Variants in HMCN2 observed in about 807,000 individuals in gnomAD.
The protein encoded by HMCN2 is hemicentin 2, also known as hemicentin-2.
In HMCN2, 325 loss-of-function variants were observed where a neutral mutation model predicts 377.5. The ratio of observed to expected loss-of-function variants is 0.86; its 90% CI spans 0.79 to 0.94. HMCN2 has a LOEUF of 0.94. Ranked by LOEUF, HMCN2 falls within the 40% of genes least tolerant of loss-of-function variation. The probability of loss-of-function intolerance (pLI) is 0.00; values close to 1 mark genes in which losing one functional copy is unlikely to be tolerated. For synonymous variants in HMCN2, 2,007 were observed against 2,046.8 expected (o/e 0.98, Z 0.53); for missense variants, 4,543 against 4,725.3 (o/e 0.96, Z 1.13).
At chr9:130,355,606 T>A in intron 32 of HMCN2, 140 bp from the exon 33 acceptor site, 1 of 455,774 alleles carries the variant, frequency 2.2e-6, no homozygotes, top group Non-Finnish European at 4.3e-6. Flanking sequence ...CTGGAAGGCC[T>A]CCTGGAGGAA....
Position 130,430,516 on chromosome 9 carries a change from C to G in HMCN2, c.14559C>G (p.Val4853=). 1 of 1,550,594 alleles carries G rather than the reference C, an allele frequency of 6.4e-7. No individual in the cohort carries two copies. The highest frequency in any genetic ancestry group is 2.4e-5 in the East Asian group (1 of 40,920). ...SIPGTSYHAW[V]SLRPGPMALS... The stretch of plus-strand genomic sequence containing the variant: ...CCGGTACCTCCTACCACGCCTGGGT[C>G]TCTCTCCGTCCGGGTCCCATGGCCC... The change falls in exon 95 of 98, where the codon GTC becomes GTG. Residue 4853 remains valine, a synonymous_variant. Coordinates refer to ENST00000683500, the MANE Select transcript of HMCN2 (RefSeq NM_001291815.2).
At chr9:130,388,919 C>T (rs1316774488) in intron 62 of HMCN2, among the ~76,000 whole-genome samples, 2 of 152,190 alleles carry the variant, frequency 1.3e-5, no homozygotes, top group Admixed American at 6.5e-5. Flanking sequence ...TGACTCAGCT[C>T]GGTCCTAGCT....
Position 130,423,861 on chromosome 9 carries a change from C to A in HMCN2, c.13382-915C>A, listed in dbSNP as rs552245254. Among the ~76,000 whole-genome samples, 1 of 152,352 alleles carries A rather than the reference C, an allele frequency of 6.6e-6. No individual in the cohort carries two copies. The highest frequency in any genetic ancestry group is 2.4e-5 in the African/African-American group (1 of 41,578). Reference sequence around the variant, plus strand: ...GCAAGTTAGAAAAGTTGGTTCACTTCAACTCAGCAAATATATAATGACAGT... The same window carrying A: ...GCAAGTTAGAAAAGTTGGTTCACTTAAACTCAGCAAATATATAATGACAGT... On this transcript the variant is annotated intron_variant, in intron 87 of 97. Transcript: ENST00000683500. This position sits in a 1 kb window ranked among gnomAD's most constrained non-coding sequence, Gnocchi z 5.5.
intron 1 of HMCN2, among the ~76,000 whole-genome samples, chr9:130,269,063 G>A (rs915752067): frequency 6.7e-6 from 1 of 148,350 alleles, no homozygotes; most frequent in Non-Finnish European, 1.5e-5. Context: ...GCTGCACAGC[G>A]GGAGGGTTTT....
chr9:130,405,702 G>C (rs1312952471), intron 81 of HMCN2, among the ~76,000 whole-genome samples: 2 of 152,256 alleles, frequency 1.3e-5, no homozygotes, highest in Non-Finnish European at 2.9e-5. Context: ...GCACACAGTA[G>C]GTGTTTGGTA....
intron 17 of HMCN2, 112 bp downstream of exon 17, chr9:130,320,563 T>G (rs928171316): frequency 6.6e-6 from 1 of 152,516 alleles, no homozygotes; most frequent in Admixed American, 6.5e-5. Flanking sequence ...GCCCATCTGT[T>G]GGAACAAACG....
intron 27 of HMCN2, 100 bp downstream of exon 27, chr9:130,348,775 G>T: frequency 7.9e-7 from 1 of 1,262,400 alleles, no homozygotes; most frequent in Non-Finnish European, 1.0e-6. Context: ...GGGGCAGGGA[G>T]ATGTGACAGG....
At position 130,408,833 on chromosome 9, in the gene HMCN2, C is replaced by A. The variant is rs145759105; in HGVS notation, c.12779C>A (p.Pro4260Gln). 1.7e-4 allele frequency: 218 copies of A among 1,289,812 alleles called. No homozygotes were observed. In the African/African-American group the frequency reaches 3.2e-3, roughly 19 times the overall value. 79.9% of individuals were successfully genotyped at this position (1,289,812 alleles called of 1,614,324 possible). The change falls in exon 84 of 98, where the codon CCA becomes CAA. Residue 4260 changes from proline (P) to glutamine (Q), a missense_variant. Physicochemically the swap from Pro to Gln is moderately conservative, Grantham distance 76 (BLOSUM62 -1). Coordinates refer to ENST00000683500, the MANE Select transcript of HMCN2 (RefSeq NM_001291815.2). ...IQLDCVVRGD[P>Q]VPDIHWIKDG... ...CTAGACTGTGTGGTGCGTGGAGACC[C>A]AGTGCCGGACATCCACTGGATCAAA...
intron 1 of HMCN2, among the ~76,000 whole-genome samples, chr9:130,284,333 G>A (rs7043286): frequency 0.78 from 118,441 of 152,176 alleles, 46,432 homozygotes; most frequent in East Asian, 0.9. Flanking sequence ...GCTGCTGTCC[G>A]GAGGGAGGAG....
intron 8 of HMCN2, among the ~76,000 whole-genome samples, chr9:130,302,188 C>T (rs558020703): frequency 3.3e-5 from 5 of 152,186 alleles, no homozygotes; most frequent in African/African-American, 1.2e-4. Flanking sequence ...GCTGGGATTA[C>T]AGGAACGCGA....
At chr9:130,429,774 G>A (rs1053809037) in intron 94 of HMCN2, 89 bp downstream of exon 94, 19 of 1,446,358 alleles carry the variant, frequency 1.3e-5, no homozygotes, top group African/African-American at 2.9e-5. Flanking sequence ...GCCTAGTTAC[G>A]GGGACACCCA....
chr9:130,371,903 G>A (rs1248554194), intron 46 of HMCN2, among the ~76,000 whole-genome samples: 2 of 152,210 alleles, frequency 1.3e-5, no homozygotes, highest in East Asian at 1.9e-4. Context: ...GAGAGGAGCT[G>A]TCTCTCCCTG....
At position 130,430,318 on chromosome 9, in the gene HMCN2, C is replaced by T. The variant is rs557362950; in HGVS notation, c.14361C>T (p.Cys4787=). 2.0e-5 allele frequency: 31 copies of T among 1,544,704 alleles called. No individual in the cohort carries two copies. In the East Asian group the frequency reaches 2.4e-4, roughly 12 times the overall value. The change falls in exon 95 of 98, where the codon TGC becomes TGT. Residue 4787 remains cysteine (C), a synonymous_variant. Transcript: ENST00000683500. ...VNECLQLPKA[C]AYQCHNLQGS... is the part of the protein sequence containing the mutation. Reference sequence around the variant, plus strand: ...AGTGCCTGCAGCTGCCCAAGGCCTGCGCCTACCAGTGCCACAACCTCCAGG... The same window carrying T: ...AGTGCCTGCAGCTGCCCAAGGCCTGTGCCTACCAGTGCCACAACCTCCAGG...
At chr9:130,354,563 G>A (rs1039951483) in intron 31 of HMCN2, among the ~76,000 whole-genome samples, 200 bp from the exon 32 acceptor site, 2 of 152,190 alleles carry the variant, frequency 1.3e-5, no homozygotes, top group African/African-American at 4.8e-5. Flanking sequence ...CCCAGGGGTG[G>A]GGTGGCGCGC....
rs1554937722 is a variant in HMCN2 at position 130,308,605 on chromosome 9, G to T, written c.2200+1039G>T. The stretch of plus-strand genomic sequence containing the variant: ...GAGAAAGGCAGGGCAGGTGATATTA[G>T]CTCAGAGTTGAGCGTTTTTTTTAGG... On this transcript the variant is annotated intron_variant, in intron 14 of 97. Transcript: ENST00000683500. The surrounding 1 kb of genome is among the most constrained non-coding windows in gnomAD (Gnocchi z 4.1). Among the ~76,000 whole-genome samples, 1 of 152,178 alleles carries T rather than the reference G, an allele frequency of 6.6e-6. No homozygotes were observed. Among genetic ancestry groups the T allele is most frequent in the Non-Finnish European group, 1.5e-5 (1 of 68,040 alleles).
chr9:130,373,145 T>C (rs906356545), intron 48 of HMCN2, 21 bp downstream of exon 48: 19 of 952,886 alleles, frequency 2.0e-5, no homozygotes, highest in Middle Eastern at 5.4e-4. Flanking sequence ...CATGATGTGA[T>C]GGGCTGGGAG....
At position 130,351,223 on chromosome 9, in the gene HMCN2, G is replaced by A. The variant is rs1356568168; in HGVS notation, c.4431-200G>A. ...TGTCAGAATTGCCTTCATTTTTGTG[G>A]CTGAATAATGTTCCGTGGCATGGAC... On this transcript the variant is annotated intron_variant, in intron 29 of 97. Coordinates refer to ENST00000683500, the MANE Select transcript of HMCN2 (RefSeq NM_001291815.2). The surrounding 1 kb of genome is among the most constrained non-coding windows in gnomAD (Gnocchi z 5.4). Among the ~76,000 whole-genome samples the A allele has an allele frequency of 6.6e-6, 1 of 152,174 alleles. No individual in the cohort carries two copies. The highest frequency in any genetic ancestry group is 2.4e-5 in the African/African-American group (1 of 41,436).
chr9:130,428,267 A>G lies in HMCN2; in HGVS notation c.14066-91A>G, dbSNP rs73553735. On this transcript the variant is annotated intron_variant, in intron 92 of 97. Coordinates refer to ENST00000683500, the MANE Select transcript of HMCN2 (RefSeq NM_001291815.2). The surrounding 1 kb of genome is among the most constrained non-coding windows in gnomAD (Gnocchi z 5.0). ...CCAGTGGCTCCTGGGCCTGCGGACG[A>G]AGCCTCTGTGGATAGGCCGGGCCAG... The G allele has an allele frequency of 1.4e-3, 1,962 of 1,405,130 alleles. 25 individuals carry two copies. The African/African-American group carries it at 0.025, about 18-fold the overall frequency. The allele number at this position is 1,405,130 out of a possible 1,614,324, so 87.0% of individuals were successfully genotyped here.
At position 130,304,880 on chromosome 9, in the gene HMCN2, C is replaced by G; in HGVS notation, c.1694C>G (p.Ala565Gly). ...CTGCCGGCCTCGACGGGCCGAGTTG[C>G]CCAGCTGGCTGACCTGTCCCTGGAG... ...RVLPASTGRVAQLADLSLEIS... is the reference protein window; with the variant it reads ...RVLPASTGRVGQLADLSLEIS... Residue 565 changes from alanine (A) to glycine (G), a missense_variant, in exon 11 of 98, where the codon GCC becomes GGC. Transcript: ENST00000683500. This position sits in a 1 kb window ranked among gnomAD's most constrained non-coding sequence, Gnocchi z 4.3. 2.1e-6 allele frequency: 1 copy of G among 471,138 alleles called. No homozygotes were observed. Among genetic ancestry groups the G allele is most frequent in the Non-Finnish European group, 4.4e-6 (1 of 227,056 alleles). 29.2% of individuals were successfully genotyped at this position (471,138 alleles called of 1,614,324 possible).
Sources: gnomAD v4.1 joint callset for allele counts (sites outside exome capture counted in the v4.1 genomes callset) on GRCh38, gnomAD v4.1.1 for gene constraint, Gnocchi (gnomAD v3.1) non-coding constraint, MANE v1.5 for transcripts, NCBI Gene and HGNC (gene_info 2026-07-23, HGNC 2026-07-21) for gene names.